DNAH12: variants seen among roughly 807,000 people sequenced by gnomAD.
DNAH12 encodes the protein dynein axonemal heavy chain 12.
A neutral mutation model predicts 371.5 loss-of-function variants in DNAH12; 285 were observed. The ratio of observed to expected loss-of-function variants is 0.77; its 90% CI spans 0.70 to 0.85. The LOEUF (loss-of-function observed/expected upper bound fraction) is 0.85, where lower values mean the gene tolerates loss of function less well. Ranked by LOEUF, DNAH12 falls within the 40% of genes least tolerant of loss-of-function variation. DNAH12 has a pLI of 0.00. For synonymous variants in DNAH12, 1,200 were observed against 1,213.0 expected, an observed-to-expected ratio of 0.99 and a Z score of 0.22; for missense variants, 3,611 against 3,689.4, an observed-to-expected ratio of 0.98 and a Z score of 0.55.
At chr3:57,457,090 C>A (rs571159917) in intron 22 of DNAH12, among the ~76,000 whole-genome samples, 15 of 152,214 alleles carry the variant, frequency 9.9e-5, no homozygotes, top group Non-Finnish European at 1.9e-4. Flanking sequence ...TAATCTGAGT[C>A]TCCTAATTTG....
chr3:57,526,370 C>T (rs926549737), intron 2 of DNAH12, among the ~76,000 whole-genome samples: 1 of 151,710 alleles, frequency 6.6e-6, no homozygotes, highest in South Asian at 2.1e-4. Context: ...TGTATATGTA[C>T]CAATTTTCTT....
At chr3:57,520,460 T>G (rs1169303998) in intron 4 of DNAH12, among the ~76,000 whole-genome samples, 1 of 150,076 alleles carries the variant, frequency 6.7e-6, no homozygotes, top group Non-Finnish European at 1.5e-5. Context: ...ATTTTTTTTT[T>G]GAGACGGAGT....
At chr3:57,333,384 G>A (rs568564173) in intron 62 of DNAH12, among the ~76,000 whole-genome samples, 4 of 145,990 alleles carry the variant, frequency 2.7e-5, no homozygotes, top group South Asian at 2.1e-4. Flanking sequence ...AGGCTGTAGC[G>A]CAGTGGTGCG....
At position 57,490,367 on chromosome 3, in the gene DNAH12, C is replaced by T. The variant is rs560284240; in HGVS notation, c.1336-680G>A. On this transcript the variant is annotated intron_variant, in intron 11 of 73. Transcript: ENST00000495027. ...AATGATAATAATCCAGGAACAGATG[C>T]TCTGCAATTACCAAGATCCAAGATA... Among the ~76,000 whole-genome samples the T allele has an allele frequency of 2.0e-5, 3 of 152,216 alleles. No homozygotes were observed. The South Asian group carries it at 6.2e-4, about 32-fold the overall frequency.
In DNAH12 at chr3:57,483,396, C is replaced by G. The variant is rs957324034; in HGVS notation, c.1630G>C (p.Glu544Gln). 5 of 1,546,606 alleles carry G rather than the reference C, an allele frequency of 3.2e-6. No individual in the cohort carries two copies. Among genetic ancestry groups the G allele is most frequent in the Admixed American group, 2.0e-5 (1 of 49,278 alleles). ...VEKARTVGIE[E>Q]LILRIQESKR... ...CTTACCTGGATCCTTAAAATCAACT[C>G]TTCGATTCCTACAGTCCGGGCTTTT... Residue 544 changes from glutamate to glutamine, a missense_variant, in exon 13 of 74, where the codon GAG becomes CAG. Physicochemically the swap from Glu to Gln is conservative, Grantham distance 29. This residue lies in a region of DNAH12 where 1,314 missense variants were observed against 1,398.7 expected (regional missense o/e 0.94). Transcript: ENST00000495027.
intron 37 of DNAH12, among the ~76,000 whole-genome samples, chr3:57,418,197 C>T (rs1165497262): frequency 2.6e-5 from 4 of 151,194 alleles, no homozygotes; most frequent in Non-Finnish European, 5.9e-5. Context: ...ATATGGTTTA[C>T]TTTATAATTC....
At position 57,380,341 on chromosome 3, in the gene DNAH12, T is replaced by C. The variant is rs1043942787; in HGVS notation, c.8019A>G (p.Lys2673=). 3.3e-5 allele frequency: 5 copies of C among 152,314 alleles called. No individual in the cohort carries two copies. Among genetic ancestry groups the C allele is most frequent in the Admixed American group, 2.6e-4 (4 of 15,296 alleles). The allele number at this position is 152,314 out of a possible 1,614,324, so 9.4% of individuals were successfully genotyped here. A position where few individuals can be genotyped will look rare whatever the true frequency, so the allele number is the denominator to read the frequency against. The change falls in exon 51 of 74, where the codon AAA becomes AAG. Residue 2673 remains lysine, a synonymous_variant. Transcript: ENST00000495027. ...GKILDYWGPS[K]KLLGDMNFLR... is the part of the protein sequence containing the mutation. ...AGAAATTCATATCTCCCAGAAGTTT[T>C]TTGCTAGGTCCCCAGTAATCTAATA...
At chr3:57,427,137 A>AGTGTGTGTGTGT (rs1559646432) in intron 34 of DNAH12, among the ~76,000 whole-genome samples, 3 of 70,570 alleles carry the variant, frequency 4.3e-5, no homozygotes, top group South Asian at 6.2e-4. Flanking sequence ...GTAAGAAGCG[A>AGTGTGTGTGTGT]ATGTGTGTGT....
chr3:57,481,395 A>T (rs1235236657), intron 13 of DNAH12, among the ~76,000 whole-genome samples: 1 of 152,204 alleles, frequency 6.6e-6, no homozygotes, highest in Non-Finnish European at 1.5e-5. Flanking sequence ...GGAGAACTAC[A>T]AACCACTGCT....
Position 57,323,685 on chromosome 3 carries a change from T to C in DNAH12, c.9979-66A>G, listed in dbSNP as rs1358845532. The C allele has an allele frequency of 1.3e-5, 18 of 1,398,672 alleles. No individual in the cohort carries two copies. The South Asian group carries it at 1.7e-4, about 13-fold the overall frequency. The allele number at this position is 1,398,672 out of a possible 1,614,324, so 86.6% of individuals were successfully genotyped here. A position where few individuals can be genotyped will look rare whatever the true frequency, so the allele number is the denominator to read the frequency against. ...TTTCACATAATGGATATGAATATTA[T>C]TGAAAAACAACAAAGAATACAATTT... On this transcript the variant is annotated intron_variant, in intron 62 of 73. Transcript: ENST00000495027.
At chr3:57,410,373 C>A (rs2064162373) in intron 39 of DNAH12, among the ~76,000 whole-genome samples, 1 of 151,960 alleles carries the variant, frequency 6.6e-6, no homozygotes, top group African/African-American at 2.4e-5. Context: ...TGTTTTGGAG[C>A]ACCATGAATT....
intron 12 of DNAH12, among the ~76,000 whole-genome samples, chr3:57,483,847 G>A (rs1575666897): frequency 6.7e-6 from 1 of 148,656 alleles, no homozygotes; most frequent in Non-Finnish European, 1.5e-5. Flanking sequence ...AGCTACTTGG[G>A]AAGCTGAGGC....
At chr3:57,461,412 A>G in intron 19 of DNAH12, 77 bp downstream of exon 19, 1 of 1,380,172 alleles carries the variant, frequency 7.2e-7, no homozygotes, top group Non-Finnish European at 1.0e-6. Flanking sequence ...TAAGCTACTT[A>G]TTACCATGAG....
At chr3:57,411,290 G>A (rs1559628792) in intron 39 of DNAH12, among the ~76,000 whole-genome samples, 1 of 152,040 alleles carries the variant, frequency 6.6e-6, no homozygotes, top group Non-Finnish European at 1.5e-5. Flanking sequence ...CATTTTGGGA[G>A]GCCGAGGAAG....
At chr3:57,468,523 G>C in intron 17 of DNAH12, 2 of 255,154 alleles carry the variant, frequency 7.8e-6, no homozygotes, top group East Asian at 1.5e-4. Context: ...GCTGAGGTGG[G>C]AGGATCGCTT....
At chr3:57,512,152 A>G (rs898243577) in intron 4 of DNAH12, among the ~76,000 whole-genome samples, 2 of 152,200 alleles carry the variant, frequency 1.3e-5, no homozygotes, top group Non-Finnish European at 2.9e-5. Context: ...AATATTTGCA[A>G]CATACATCTC....
At chr3:57,343,634 A>C (rs1383072346) in intron 60 of DNAH12, among the ~76,000 whole-genome samples, 1 of 152,166 alleles carries the variant, frequency 6.6e-6, no homozygotes, top group Non-Finnish European at 1.5e-5. Flanking sequence ...CGACACCTGT[A>C]AAGGGTCTGT....
intron 14 of DNAH12, among the ~76,000 whole-genome samples, chr3:57,472,276 G>T (rs1452231276): frequency 6.6e-6 from 1 of 152,102 alleles, no homozygotes; most frequent in Non-Finnish European, 1.5e-5. Context: ...TGAATAAATG[G>T]AAAGCACTTT....
chr3:57,547,006 T>A (rs1006595168), upstream of DNAH12, among the ~76,000 whole-genome samples: 5 of 151,872 alleles, frequency 3.3e-5, no homozygotes, highest in South Asian at 4.2e-4. Flanking sequence ...ATTAAAAAAA[T>A]AATAATAAAG....
Sources: allele counts gnomAD v4.1 joint callset (sites outside exome capture counted in the v4.1 genomes callset), GRCh38; gene constraint gnomAD v4.1.1; regional missense constraint gnomAD v4.1.1; transcripts MANE v1.5; gene names NCBI Gene and HGNC (gene_info 2026-07-23, HGNC 2026-07-21).